Variants in PPP1R9A observed in about 807,000 individuals in gnomAD.
The protein encoded by PPP1R9A is neurabin-1.
A neutral mutation model predicts 141.9 loss-of-function variants in PPP1R9A; 59 were observed. The observed-to-expected ratio is 0.42, with a 90% CI of 0.34 to 0.52. The LOEUF (loss-of-function observed/expected upper bound fraction) is 0.52, where lower values mean the gene tolerates loss of function less well. Among genes scored for constraint, PPP1R9A ranks in the 20% least tolerant of loss-of-function variants. The pLI is 0.10. For missense variants in PPP1R9A, 1,444 were observed against 1,611.9 expected, an observed-to-expected ratio of 0.90 and a Z score of 1.78; for synonymous variants, 500 against 569.7, an observed-to-expected ratio of 0.88 and a Z score of 1.74.
intron 2 of PPP1R9A, among the ~76,000 whole-genome samples, chr7:95,012,383 A>C (rs571838783): frequency 1.6e-4 from 25 of 152,124 alleles, no homozygotes; most frequent in Non-Finnish European, 3.2e-4. Context: ...CACTAGGGGA[A>C]TAGTGCTAAA....
rs1456569704 is a variant in PPP1R9A at position 95,048,382 on chromosome 7, A to G, written c.1396-62877A>G. ...AAGTTTGGATATGAAAGATAAGGAA[A>G]TACTATATGATGAGTACAATAATAG... On this transcript the variant is annotated intron_variant, in intron 2 of 19. Coordinates refer to ENST00000433360, the MANE Select transcript of PPP1R9A (RefSeq NM_001166160.2). 2.0e-5 allele frequency among the ~76,000 whole-genome samples: 3 copies of G among 152,342 alleles called. No individual in the cohort carries two copies. The East Asian group carries it at 5.8e-4, about 29-fold the overall frequency.
At chr7:95,045,648 G>T (rs1201559814) in intron 2 of PPP1R9A, among the ~76,000 whole-genome samples, 2 of 152,142 alleles carry the variant, frequency 1.3e-5, no homozygotes, top group African/African-American at 4.8e-5. Flanking sequence ...GCCTCTTTTT[G>T]GCGCCTGTGA....
At chr7:95,031,924 G>T (rs1220287691) in intron 2 of PPP1R9A, among the ~76,000 whole-genome samples, 1 of 152,204 alleles carries the variant, frequency 6.6e-6, no homozygotes, top group Non-Finnish European at 1.5e-5. Context: ...CACTCAGCTA[G>T]TAAATGCCTG....
At chr7:95,108,317 T>TTC (rs1819918501) in intron 2 of PPP1R9A, among the ~76,000 whole-genome samples, 1 of 124,280 alleles carries the variant, frequency 8.0e-6, no homozygotes, top group Non-Finnish European at 1.7e-5. Flanking sequence ...CTTTTTTTTT[T>TTC]TTTTTTTTTT....
At chr7:95,137,815 C>T (rs962914475) in intron 4 of PPP1R9A, among the ~76,000 whole-genome samples, 1 of 151,954 alleles carries the variant, frequency 6.6e-6, no homozygotes, top group Non-Finnish European at 1.5e-5. Flanking sequence ...TTTTTCAAGA[C>T]TTGCTATAAA....
At chr7:94,956,496 G>A (rs1459011601) in intron 2 of PPP1R9A, among the ~76,000 whole-genome samples, 1 of 151,800 alleles carries the variant, frequency 6.6e-6, no homozygotes, top group Non-Finnish European at 1.5e-5. Context: ...TCATTTTCTG[G>A]TTGTTACCTG....
At chr7:95,124,532 G>A (rs1402206385) in intron 4 of PPP1R9A, among the ~76,000 whole-genome samples, 1 of 152,058 alleles carries the variant, frequency 6.6e-6, no homozygotes, top group Non-Finnish European at 1.5e-5. Flanking sequence ...CTTGTGTATA[G>A]TTTCTGAATT....
chr7:95,109,068 A>G (rs1453211499), intron 2 of PPP1R9A: 1 of 152,194 alleles, frequency 6.6e-6, no homozygotes, highest in Non-Finnish European at 1.5e-5. Context: ...GCTTGCTTCT[A>G]TAGGCATTTT....
chr7:94,968,602 C>T (rs1386824997), intron 2 of PPP1R9A, among the ~76,000 whole-genome samples: 8 of 152,086 alleles, frequency 5.3e-5, no homozygotes, highest in Non-Finnish European at 1.2e-4. Context: ...CACATAAGAT[C>T]GGTCTCCTGA....
chr7:95,124,940 C>T (rs990358794), intron 4 of PPP1R9A, among the ~76,000 whole-genome samples: 38 of 151,818 alleles, frequency 2.5e-4, no homozygotes, highest in African/African-American at 8.2e-4. Flanking sequence ...AAAAATTTGC[C>T]GTGGGTATTT....
chr7:95,097,215 G>A (rs1211389889), intron 2 of PPP1R9A, among the ~76,000 whole-genome samples: 1 of 151,972 alleles, frequency 6.6e-6, no homozygotes, highest in East Asian at 1.9e-4. Context: ...TAGTAGAGAA[G>A]GGGTTTCACC....
At chr7:94,982,720 T>C (rs1424136399) in intron 2 of PPP1R9A, among the ~76,000 whole-genome samples, 1 of 152,230 alleles carries the variant, frequency 6.6e-6, no homozygotes, top group African/African-American at 2.4e-5. Context: ...AGATTCTGGA[T>C]ATTAGCCCTT....
At chr7:95,147,670 A>G (rs1016224308) in intron 4 of PPP1R9A, among the ~76,000 whole-genome samples, 9 of 152,176 alleles carry the variant, frequency 5.9e-5, no homozygotes, top group Non-Finnish European at 1.3e-4. Context: ...GAGATGTGCC[A>G]TCAGTACCTA....
chr7:95,207,667 A>G (rs982625191), intron 7 of PPP1R9A, among the ~76,000 whole-genome samples: 3 of 152,170 alleles, frequency 2.0e-5, no homozygotes, highest in African/African-American at 4.8e-5. Context: ...AAAGAAATAA[A>G]TTGTAAAGAA....
intron 3 of PPP1R9A, among the ~76,000 whole-genome samples, chr7:95,120,051 G>C (rs1266837499): frequency 1.3e-5 from 2 of 149,778 alleles, no homozygotes; most frequent in Non-Finnish European, 1.5e-5. Context: ...CCGCCTCCTG[G>C]GTTCAAACGA....
At chr7:95,155,229 C>T (rs954829997) in intron 4 of PPP1R9A, 3 of 139,380 alleles carry the variant, frequency 2.2e-5, no homozygotes, top group Non-Finnish European at 4.5e-5. Context: ...CTCTTTCCCC[C>T]ATGTAGGAGT....
intron 7 of PPP1R9A, among the ~76,000 whole-genome samples, chr7:95,212,371 G>T (rs1792314185): frequency 4.6e-5 from 7 of 151,822 alleles, no homozygotes; most frequent in South Asian, 2.1e-4. Context: ...ATATTTTAAA[G>T]AATTTTAAAA....
chr7:95,121,437 C>T (rs1317764528), intron 4 of PPP1R9A, among the ~76,000 whole-genome samples: 1 of 149,822 alleles, frequency 6.7e-6, no homozygotes, highest in Non-Finnish European at 1.5e-5. Context: ...TAATCTCAAG[C>T]TATTTGTCTG....
chr7:95,132,827 G>A (rs1263110191), intron 4 of PPP1R9A, among the ~76,000 whole-genome samples: 1 of 152,158 alleles, frequency 6.6e-6, no homozygotes, highest in Non-Finnish European at 1.5e-5. Flanking sequence ...TCTAGACAAG[G>A]GTAATGTGGT....
Sources: gnomAD v4.1 joint callset for allele counts (sites outside exome capture counted in the v4.1 genomes callset) on GRCh38, gnomAD v4.1.1 for gene constraint, MANE v1.5 for transcripts, NCBI Gene and HGNC (gene_info 2026-07-23, HGNC 2026-07-21) for gene names.